ENTPD8: variants seen among roughly 807,000 people sequenced by gnomAD.
The protein encoded by ENTPD8 is ectonucleoside triphosphate diphosphohydrolase 8.
In ENTPD8, 35 loss-of-function variants were observed where a neutral mutation model predicts 47.0. The ratio of observed to expected loss-of-function variants is 0.75; its 90% CI spans 0.57 to 0.99. The LOEUF is 0.99. ENTPD8 is among the 50% of genes least tolerant of loss of function. The pLI is 0.00. For synonymous variants in ENTPD8, 308 were observed against 290.5 expected, an observed-to-expected ratio of 1.06 and a Z score of -0.61; for missense variants, 668 against 649.9, an observed-to-expected ratio of 1.03 and a Z score of -0.30.
chr9:137,437,026 C>T lies in ENTPD8; in HGVS notation c.398G>A (p.Arg133Gln), dbSNP rs749262276. 6.2e-5 allele frequency: 100 copies of T among 1,611,934 alleles called. No individual in the cohort carries two copies. The Middle Eastern group carries it at 1.5e-3, about 24-fold the overall frequency. Residue 133 changes from arginine (R) to glutamine (Q), a missense_variant and splice_region_variant, in exon 5 of 10, where the codon CGG (arginine) becomes CAG (glutamine). Coordinates refer to ENST00000371506, the MANE Select transcript of ENTPD8 (RefSeq NM_001033113.2). ...GATAGMRLLS[R>Q]KNSSQARDIF... The stretch of plus-strand genomic sequence containing the variant: ...GTCCCTGGCCTGAGAGCTGTTCTTC[C>T]GGCTGGGCACAGAGGACCAGGGGCT...
chr9:137,438,230 ACCCCCGAGG>A lies in ENTPD8; in HGVS notation c.47_55del (p.Ala16_Gly18del), dbSNP rs757130003. The A allele has an allele frequency of 1.2e-6, 2 of 1,602,110 alleles. No individual in the cohort carries two copies. The highest frequency in any genetic ancestry group is 1.1e-5 in the South Asian group (1 of 89,548). On this transcript the variant is annotated inframe_deletion, in exon 2 of 10. Transcript: ENST00000371506. This position sits in a 1 kb window ranked among gnomAD's most constrained non-coding sequence, Gnocchi z 5.7. ...GAGAATGAGTGCCGTGAGGCCTGAG[ACCCCCGAGG>A]CCCCCAGCAGGGCCAAGAAGACCTG... is the stretch of plus-strand genomic sequence containing the variant.
chr9:137,434,748 A>T lies in ENTPD8; in HGVS notation c.*166T>A, dbSNP rs1159549560. On this transcript the variant is annotated 3_prime_UTR_variant, in exon 10 of 10. Coordinates refer to ENST00000371506, the MANE Select transcript of ENTPD8 (RefSeq NM_001033113.2). Reference sequence around the variant, plus strand: ...GGGACGCCGGGAGGGGAGGTCATGCAGCCTCTGTGGCCAGCACCACCCTGA... The same window carrying T: ...GGGACGCCGGGAGGGGAGGTCATGCTGCCTCTGTGGCCAGCACCACCCTGA... 3.4e-6 allele frequency: 3 copies of T among 884,180 alleles called. No homozygotes were observed. Among genetic ancestry groups the T allele is most frequent in the Non-Finnish European group, 5.0e-6 (3 of 602,910 alleles). The allele number at this position is 884,180 out of a possible 1,614,324, so 54.8% of individuals were successfully genotyped here. A position where few individuals can be genotyped will look rare whatever the true frequency, so the allele number is the denominator to read the frequency against.
intron 3 of ENTPD8, among the ~76,000 whole-genome samples, chr9:137,437,631 T>C (rs1839407940): frequency 6.6e-6 from 1 of 152,198 alleles, no homozygotes; most frequent in South Asian, 2.1e-4. Context: ...CTCAGGATCC[T>C]GGAGTGCAGG....
chr9:137,438,445 G>A lies in ENTPD8; in HGVS notation c.-20-140C>T. On this transcript the variant is annotated intron_variant, in intron 1 of 9. Coordinates refer to ENST00000371506, the MANE Select transcript of ENTPD8 (RefSeq NM_001033113.2). The surrounding 1 kb of genome is among the most constrained non-coding windows in gnomAD (Gnocchi z 5.7). ...GCCTTAGAGGCATCTCCGGGGCTCA[G>A]ACGCCTCCCGTGGCCATAGAGGCAT... is the stretch of plus-strand genomic sequence containing the variant. 4 of 969,570 alleles carry A rather than the reference G, an allele frequency of 4.1e-6. No individual in the cohort carries two copies. The highest frequency in any genetic ancestry group is 5.8e-6 in the Non-Finnish European group (4 of 687,336). The allele number at this position is 969,570 out of a possible 1,614,324, so 60.1% of individuals were successfully genotyped here.
Position 137,435,047 on chromosome 9 carries a change from A to T in ENTPD8, c.1355T>A (p.Ile452Asn). The T allele has an allele frequency of 6.2e-7, 1 of 1,612,496 alleles. No homozygotes were observed. The highest frequency in any genetic ancestry group is 8.5e-7 in the Non-Finnish European group (1 of 1,179,854). ...CCACTGAGCCGGCGCATCGGCCGGG[A>T]TCATCCCGGTCAGGTTCAGCATGTA... Reference protein sequence around the residue: ...LGYMLNLTGMIPADAPAQWRA... With the variant: ...LGYMLNLTGMNPADAPAQWRA... The change falls in exon 10 of 10, where the codon ATC (isoleucine) becomes AAC (asparagine). Residue 452 changes from isoleucine to asparagine, a missense_variant. By Grantham distance (149) the Ile-to-Asn change is moderately radical. Coordinates refer to ENST00000371506, the MANE Select transcript of ENTPD8 (RefSeq NM_001033113.2).
rs1839346203 is a variant in ENTPD8 at position 137,436,189 on chromosome 9, A to G, written c.874T>C (p.Cys292Arg). ...LALGPLYESP[C>R]VHATPPLSLP... ...CTCAGCGGGGGCGTGGCGTGGACAC[A>G]GGGTGACTCATACAGCGGGCCCAGG... Residue 292 changes from cysteine (C) to arginine (R), a missense_variant, in exon 7 of 10, where the codon TGT becomes CGT. Cys to Arg is a radical substitution (Grantham distance 180). Transcript: ENST00000371506. The G allele has an allele frequency of 1.2e-6, 2 of 1,612,676 alleles. No homozygotes were observed. Among genetic ancestry groups the G allele is most frequent in the Admixed American group, 1.7e-5 (1 of 60,000 alleles).
At chr9:137,436,796 C>A (rs1356455528) in intron 5 of ENTPD8, 45 bp from the exon 6 acceptor site, 3 of 1,602,134 alleles carry the variant, frequency 1.9e-6, no homozygotes, top group Non-Finnish European at 8.5e-7. Flanking sequence ...CCACCCGGAC[C>A]CCGTCCCGGT....
rs538445832 is a variant in ENTPD8 at position 137,435,860 on chromosome 9, G to A, written c.1051-31C>T. On this transcript the variant is annotated intron_variant, in intron 7 of 9. Coordinates refer to ENST00000371506, the MANE Select transcript of ENTPD8 (RefSeq NM_001033113.2). The stretch of plus-strand genomic sequence containing the variant: ...TGAGAGGGGAGGTGGCTGTGCCTTC[G>A]CTGTGGCCACGCTGGGCCAGATCCA... The A allele has an allele frequency of 1.5e-3, 2,467 of 1,608,572 alleles. 58 individuals carry two copies. The South Asian group carries it at 0.025, about 17-fold the overall frequency.
At position 137,434,970 on chromosome 9, in the gene ENTPD8, CCAG is replaced by C. The variant is rs1273547299; in HGVS notation, c.1429_1431del (p.Leu477del). On this transcript the variant is annotated inframe_deletion, in exon 10 of 10. Transcript: ENST00000371506. ...GCAGCCCCCACCACCGCCACCAGGG[CCAG>C]CACCATGAACACCACTTTGGCCACC... 2 of 1,612,968 alleles carry C rather than the reference CCAG, an allele frequency of 1.2e-6. No individual in the cohort carries two copies. The highest frequency in any genetic ancestry group is 1.7e-6 in the Non-Finnish European group (2 of 1,179,864).
At position 137,434,864 on chromosome 9, in the gene ENTPD8, C is replaced by A. The variant is rs752784437; in HGVS notation, c.*50G>T. ...CAGGGCTCAGGAAGCCTCCAGCATC[C>A]GGGACGCAGCTGCCTGTGGGCTCTG... On this transcript the variant is annotated 3_prime_UTR_variant, in exon 10 of 10. Transcript: ENST00000371506. 3 of 1,526,502 alleles carry A rather than the reference C, an allele frequency of 2.0e-6. No homozygotes were observed. Among genetic ancestry groups the A allele is most frequent in the East Asian group, 2.3e-5 (1 of 42,640 alleles). 94.6% of individuals were successfully genotyped at this position (1,526,502 alleles called of 1,614,324 possible).
intron 1 of ENTPD8, among the ~76,000 whole-genome samples, chr9:137,439,045 C>T (rs1004357371): frequency 1.4e-4 from 21 of 152,202 alleles, no homozygotes; most frequent in African/African-American, 2.6e-4. Flanking sequence ...GGACTGTTGC[C>T]GAGGGGCTGT....
Position 137,435,792 on chromosome 9 carries a change from T to C in ENTPD8, c.1088A>G (p.Asn363Ser). 2.5e-6 allele frequency: 4 copies of C among 1,613,460 alleles called. No homozygotes were observed. Among genetic ancestry groups the C allele is most frequent in the Non-Finnish European group, 2.5e-6 (3 of 1,179,870 alleles). ...SNFYYTFHFLNLTSRQPLSTV... is the reference protein window; with the variant it reads ...SNFYYTFHFLSLTSRQPLSTV... Reference sequence around the variant, plus strand: ...GCTCAGGGGCTGCCTGGAGGTGAGGTTCAGGAAGTGGAAGGTGTAGTAGAA... The same window carrying C: ...GCTCAGGGGCTGCCTGGAGGTGAGGCTCAGGAAGTGGAAGGTGTAGTAGAA... Residue 363 changes from asparagine (N) to serine (S), a missense_variant, in exon 8 of 10, where the codon AAC becomes AGC. Transcript: ENST00000371506.
chr9:137,439,662 C>T (rs1839465965), intron 1 of ENTPD8, among the ~76,000 whole-genome samples: 1 of 152,090 alleles, frequency 6.6e-6, no homozygotes. Flanking sequence ...GCCTGTGTCC[C>T]CAACCAGCAC....
In ENTPD8 at chr9:137,435,980, C is replaced by G. The variant is rs116567049; in HGVS notation, c.1050+33G>C. 2.1e-3 allele frequency: 3,458 copies of G among 1,608,402 alleles called. 71 individuals carry two copies. The African/African-American group carries it at 0.042, about 19-fold the overall frequency. ...GCACCTGAGGCCTCACAAGGAAGCC[C>G]GGACCCCTGGTGGGGGCAGTGTAGG... On this transcript the variant is annotated intron_variant, in intron 7 of 9. Transcript: ENST00000371506.
Position 137,436,003 on chromosome 9 carries a change from A to G in ENTPD8, c.1050+10T>C, listed in dbSNP as rs2131903485. The G allele has an allele frequency of 6.2e-7, 1 of 1,612,488 alleles. No homozygotes were observed. Among genetic ancestry groups the G allele is most frequent in the South Asian group, 1.1e-5 (1 of 91,068 alleles). Reference sequence around the variant, plus strand: ...CCCGGACCCCTGGTGGGGGCAGTGTAGGTGCTCACATAGAACTGGCCCCGC... The same window carrying G: ...CCCGGACCCCTGGTGGGGGCAGTGTGGGTGCTCACATAGAACTGGCCCCGC... On this transcript the variant is annotated intron_variant, in intron 7 of 9. Coordinates refer to ENST00000371506, the MANE Select transcript of ENTPD8 (RefSeq NM_001033113.2).
chr9:137,434,981 A>G lies in ENTPD8; in HGVS notation c.1421T>C (p.Phe474Ser), dbSNP rs1839297279. 6.2e-7 allele frequency: 1 copy of G among 1,612,856 alleles called. No homozygotes were observed. Among genetic ancestry groups the G allele is most frequent in the African/African-American group, 1.3e-5 (1 of 74,924 alleles). Residue 474 changes from phenylalanine to serine, a missense_variant, in exon 10 of 10, where the codon TTC (phenylalanine) becomes TCC (serine). Transcript: ENST00000371506. ...CACCGCCACCAGGGCCAGCACCATG[A>G]ACACCACTTTGGCCACCCAGACGCC... ...SYGVWVAKVV[F>S]MVLALVAVVG...
At position 137,435,784 on chromosome 9, in the gene ENTPD8, A is replaced by G. The variant is rs1287038188; in HGVS notation, c.1096T>C (p.Ser366Pro). 2 of 1,613,516 alleles carry G rather than the reference A, an allele frequency of 1.2e-6. No homozygotes were observed. The highest frequency in any genetic ancestry group is 1.3e-5 in the African/African-American group (1 of 75,032). ...YYTFHFLNLT[S>P]RQPLSTVNAT... ...TTGACCGTGCTCAGGGGCTGCCTGG[A>G]GGTGAGGTTCAGGAAGTGGAAGGTG... Residue 366 changes from serine to proline, a missense_variant, in exon 8 of 10, where the codon TCC becomes CCC. Ser to Pro is a moderately conservative substitution (Grantham distance 74, BLOSUM62 -1). Transcript: ENST00000371506.
chr9:137,437,970 C>T lies in ENTPD8; in HGVS notation c.241G>A (p.Glu81Lys). 1 of 1,611,870 alleles carries T rather than the reference C, an allele frequency of 6.2e-7. No homozygotes were observed. Among genetic ancestry groups the T allele is most frequent in the Non-Finnish European group, 8.5e-7 (1 of 1,179,330 alleles). ...VVSQALACQV[E>K]GPGISSYTSN... ...GGCTGCAGAACAGCCCACTAACCTTCCACCTGGCAGGCCAGGGCCTGGCTG... is the reference window on the plus strand; with the variant it reads ...GGCTGCAGAACAGCCCACTAACCTTTCACCTGGCAGGCCAGGGCCTGGCTG... The change falls in exon 3 of 10, where the codon GAA (glutamate) becomes AAA (lysine). Residue 81 changes from glutamate to lysine, a missense_variant. Physicochemically the swap from Glu to Lys is moderately conservative, Grantham distance 56. Coordinates refer to ENST00000371506, the MANE Select transcript of ENTPD8 (RefSeq NM_001033113.2).
chr9:137,438,494 G>A lies in ENTPD8; in HGVS notation c.-20-189C>T, dbSNP rs1219768529. Among the ~76,000 whole-genome samples, 3 of 151,086 alleles carry A rather than the reference G, an allele frequency of 2.0e-5. No individual in the cohort carries two copies. Among genetic ancestry groups the A allele is most frequent in the Admixed American group, 6.6e-5 (1 of 15,232 alleles). ...ATCCCCGGGGCTCAGACGGTCTCCC[G>A]TGGCCTTAGAGGCATCTCCGGGGCT... On this transcript the variant is annotated intron_variant, in intron 1 of 9. Transcript: ENST00000371506. This position sits in a 1 kb window ranked among gnomAD's most constrained non-coding sequence, Gnocchi z 5.7.
Sources: allele counts gnomAD v4.1 joint callset (sites outside exome capture counted in the v4.1 genomes callset), GRCh38; gene constraint gnomAD v4.1.1; non-coding constraint Gnocchi (gnomAD v3.1); transcripts MANE v1.5; gene names NCBI Gene and HGNC (gene_info 2026-07-23, HGNC 2026-07-21).